The following BIRC6 variants were observed in gnomAD, a reference collection of about 807,000 sequenced individuals.
BIRC6 encodes the protein baculoviral IAP repeat containing 6.
Under a neutral mutation model 503.3 loss-of-function variants are expected in BIRC6, and 98 were observed. That is an observed-to-expected ratio of 0.19 (90% CI 0.17 to 0.23). The LOEUF (loss-of-function observed/expected upper bound fraction) is 0.23. BIRC6 is among the 10% of genes least tolerant of loss of function. The pLI is 1.00. For synonymous variants in BIRC6, 2,240 were observed against 2,078.7 expected (o/e 1.08, Z -2.11); for missense variants, 5,360 against 5,806.0 (o/e 0.92, Z 2.50).
At chr2:32,447,003 C>A (rs1394766175) in intron 21 of BIRC6, among the ~76,000 whole-genome samples, 1 of 114,768 alleles carries the variant, frequency 8.7e-6, no homozygotes, top group Non-Finnish European at 1.8e-5. Flanking sequence ...GCACATCTTG[C>A]ACCGCCCTTA....
chr2:32,412,894 G>C (rs190931673), intron 9 of BIRC6, among the ~76,000 whole-genome samples: 30 of 152,014 alleles, frequency 2.0e-4, no homozygotes, highest in African/African-American at 7.0e-4. Context: ...CTGTTACTTT[G>C]ATATTAATTT....
chr2:32,598,401 G>C (rs1427605864), intron 69 of BIRC6, among the ~76,000 whole-genome samples: 1 of 152,060 alleles, frequency 6.6e-6, no homozygotes, highest in Non-Finnish European at 1.5e-5. Flanking sequence ...TGTCATCCAA[G>C]ATACTTCTCT....
chr2:32,415,337 T>A lies in BIRC6; in HGVS notation c.2046T>A (p.Asp682Glu). Residue 682 changes from aspartate (D) to glutamate (E), a missense_variant, in exon 10 of 74, where the codon GAT becomes GAA. Asp to Glu is a conservative substitution (Grantham distance 45). Coordinates refer to ENST00000421745, the MANE Select transcript of BIRC6 (RefSeq NM_016252.4). ...GTCAGGAGCAGTTGTTATTGCAGGA[T>A]CCTCCTGTGACTTACATTCAGCAAT... ...LDSQEQLLLQ[D>E]PPVTYIQQFA... The A allele has an allele frequency of 6.2e-7, 1 of 1,614,014 alleles. No individual in the cohort carries two copies. The highest frequency in any genetic ancestry group is 1.7e-5 in the Admixed American group (1 of 60,014).
At chr2:32,591,719 ATATTT>A (rs2061391892) in intron 66 of BIRC6, among the ~76,000 whole-genome samples, 1 of 152,206 alleles carries the variant, frequency 6.6e-6, no homozygotes, top group African/African-American at 2.4e-5. Context: ...TTAGGAAACT[ATATTT>A]TATTATGGCT....
At chr2:32,470,116 G>C (rs1334344847) in intron 30 of BIRC6, 52 bp from the exon 31 acceptor site, 2 of 1,308,984 alleles carry the variant, frequency 1.5e-6, no homozygotes, top group Non-Finnish European at 2.0e-6. Flanking sequence ...TTTAAAAATT[G>C]AACAATCGAA....
At chr2:32,524,839 T>A (rs1168344070) in intron 57 of BIRC6, 49 bp from the exon 58 acceptor site, 1 of 1,199,550 alleles carries the variant, frequency 8.3e-7, no homozygotes, top group Non-Finnish European at 1.1e-6. Flanking sequence ...TTACTTCTCT[T>A]CTTAATGATT....
Position 32,597,768 on chromosome 2 carries a change from T to C in BIRC6, c.13630T>C (p.Ser4544Pro). The C allele has an allele frequency of 1.2e-6, 2 of 1,612,406 alleles. No individual in the cohort carries two copies. Among genetic ancestry groups the C allele is most frequent in the Non-Finnish European group, 1.7e-6 (2 of 1,178,454 alleles). ...KLQFDTFEMV[S>P]EDEDGKLGFK... ...CCTTTTAGATACGTTTGAAATGGTT[T>C]CTGAAGATGAAGATGGGAAATTGGG... The change falls in exon 69 of 74, where the codon TCT becomes CCT. Residue 4544 changes from serine to proline, a missense_variant. Ser to Pro is a moderately conservative substitution (Grantham distance 74, BLOSUM62 -1). Transcript: ENST00000421745.
chr2:32,419,372 A>G (rs1214360042), intron 10 of BIRC6, among the ~76,000 whole-genome samples: 1 of 152,152 alleles, frequency 6.6e-6, no homozygotes, highest in Non-Finnish European at 1.5e-5. Flanking sequence ...TTAATAATAT[A>G]CTAAATGTAG....
intron 71 of BIRC6, 123 bp downstream of exon 71, chr2:32,603,206 C>A (rs140184648): frequency 4.8e-6 from 3 of 628,932 alleles, no homozygotes; most frequent in Non-Finnish European, 7.9e-6. Flanking sequence ...CTAGGAAATG[C>A]ATATTAAATA....
rs558510790 is a variant in BIRC6, at chr2:32,603,782, A to C, written c.14070+699A>C. Among the ~76,000 whole-genome samples the C allele has an allele frequency of 1.8e-4, 27 of 152,118 alleles. No individual in the cohort carries two copies. The East Asian group carries it at 5.0e-3, about 28-fold the overall frequency. ...ACAGTAAATTTGGCCTGTGAATAAA[A>C]GTCTTTACTCTGAAAATATCAACAA... On this transcript the variant is annotated intron_variant, in intron 71 of 73. Transcript: ENST00000421745.
intron 2 of BIRC6, chr2:32,379,238 C>T (rs2037272892): frequency 6.6e-6 from 1 of 152,114 alleles, no homozygotes; most frequent in Non-Finnish European, 1.5e-5. Context: ...ATTAGTTCTA[C>T]TTGATTTGAA....
At chr2:32,465,699 C>T (rs2048469143) in intron 26 of BIRC6, among the ~76,000 whole-genome samples, 1 of 152,170 alleles carries the variant, frequency 6.6e-6, no homozygotes, top group South Asian at 2.1e-4. Context: ...CAACTTTTCT[C>T]TTAAAACAGT....
At chr2:32,396,270 C>G (rs547414874) in intron 6 of BIRC6, among the ~76,000 whole-genome samples, 2 of 152,276 alleles carry the variant, frequency 1.3e-5, no homozygotes, top group African/African-American at 4.8e-5. Context: ...TTAACCTTTA[C>G]AGTCACTCTA....
At chr2:32,484,624 C>CATGG (rs1215615089) in intron 39 of BIRC6, among the ~76,000 whole-genome samples, 3 of 151,556 alleles carry the variant, frequency 2.0e-5, no homozygotes, top group African/African-American at 7.3e-5. Flanking sequence ...TGAACGGACT[C>CATGG]ATGGTTGCCT....
At chr2:32,411,506 C>T (rs2041883159) in intron 9 of BIRC6, among the ~76,000 whole-genome samples, 1 of 143,630 alleles carries the variant, frequency 7.0e-6, no homozygotes. Context: ...GAGACGGGAT[C>T]TCACTCTGTT....
At chr2:32,392,002 G>A (rs982211337) in intron 4 of BIRC6, 37 bp from the exon 5 acceptor site, 3 of 1,326,950 alleles carry the variant, frequency 2.3e-6, no homozygotes, top group Non-Finnish European at 3.1e-6. Context: ...GTGATTTGAT[G>A]CCTAACTTCA....
rs189807245 is a variant in BIRC6, at chr2:32,580,438, G to A, written c.13355+5072G>A. Among the ~76,000 whole-genome samples the A allele has an allele frequency of 1.5e-3, 233 of 152,308 alleles. 1 individual carries two copies. The highest frequency in any genetic ancestry group is 5.4e-3 in the African/African-American group (225 of 41,572). On this transcript the variant is annotated intron_variant, in intron 66 of 73. Transcript: ENST00000421745. ...TATGAAAACAATGTTAGCAGTGAAG[G>A]AAAGCATCACATATTCAGGGGACCT...
At position 32,464,632 on chromosome 2, in the gene BIRC6, C is replaced by G. The variant is rs1340921284; in HGVS notation, c.5065C>G (p.His1689Asp). The change falls in exon 25 of 74, where the codon CAT becomes GAT. Residue 1689 changes from histidine (H) to aspartate (D), a missense_variant. By Grantham distance (81) the His-to-Asp change is moderately conservative (BLOSUM62 -1). Transcript: ENST00000421745. ...AGTGGCTGCCCCTGGATTCTTCATT[C>G]ATCCATCTGATGTTATTCCACCCAC... ...NPVAAPGFFI[H>D]PSDVIPPTPK... 6.2e-7 allele frequency: 1 copy of G among 1,613,998 alleles called. No homozygotes were observed. The highest frequency in any genetic ancestry group is 8.5e-7 in the Non-Finnish European group (1 of 1,179,890).
intron 1 of BIRC6, among the ~76,000 whole-genome samples, chr2:32,364,191 G>A (rs991801400): frequency 4.6e-5 from 7 of 152,154 alleles, no homozygotes; most frequent in African/African-American, 1.2e-4. Flanking sequence ...TTCAGTTTCC[G>A]AAGTGAATTC....
Sources: gnomAD v4.1 joint callset for allele counts (sites outside exome capture counted in the v4.1 genomes callset) on GRCh38, gnomAD v4.1.1 for gene constraint, MANE v1.5 for transcripts, NCBI Gene and HGNC (gene_info 2026-07-23, HGNC 2026-07-21) for gene names.